Variants in FAM241A observed in about 807,000 individuals in gnomAD.
The protein encoded by FAM241A is uncharacterized protein FAM241A.
FAM241A carries 7 observed loss-of-function variants against 12.2 expected under a neutral mutation model. The ratio of observed to expected loss-of-function variants is 0.58; its 90% confidence interval spans 0.33 to 1.08. The LOEUF (loss-of-function observed/expected upper bound fraction) is 1.08, where lower values mean the gene tolerates loss of function less well. Among genes scored for constraint, FAM241A ranks in the 50% least tolerant of loss-of-function variants. The pLI, the probability that FAM241A is intolerant of heterozygous loss-of-function variation, is 0.04. For missense variants in FAM241A, 161 were observed against 169.7 expected, an observed-to-expected ratio of 0.95 and a Z score of 0.29; for synonymous variants, 74 against 68.2, an observed-to-expected ratio of 1.08 and a Z score of -0.42.
chr4:112,191,271 C>T lies in FAM241A; in HGVS notation c.*4333C>T, dbSNP rs1211642955. On this transcript the variant is annotated 3_prime_UTR_variant, in exon 2 of 2. Transcript: ENST00000309733. ...ATAATCTTTCTACTTCTATTCATTCCTAGCATCACTGAGTCCATTCTGCCA... is the reference window on the plus strand; with the variant it reads ...ATAATCTTTCTACTTCTATTCATTCTTAGCATCACTGAGTCCATTCTGCCA... 3 of 152,138 alleles carry T rather than the reference C, an allele frequency of 2.0e-5. No individual in the cohort carries two copies. Among genetic ancestry groups the T allele is most frequent in the African/African-American group, 4.8e-5 (2 of 41,426 alleles). The allele number at this position is 152,138 out of a possible 1,614,324, so 9.4% of individuals were successfully genotyped here.
chr4:112,148,113 C>G (rs1169808569), intron 1 of FAM241A, among the ~76,000 whole-genome samples: 1 of 152,112 alleles, frequency 6.6e-6, no homozygotes, highest in Non-Finnish European at 1.5e-5. Context: ...AAGTCCCTTT[C>G]TATTTCTATT....
rs199693485 is a variant in FAM241A at position 112,145,701 on chromosome 4, C to G, written c.121C>G (p.Arg41Gly). The G allele has an allele frequency of 6.4e-4, 757 of 1,183,052 alleles. 5 individuals are homozygous for G. In the African/African-American group the frequency reaches 0.011, roughly 18 times the overall value. The allele number at this position is 1,183,052 out of a possible 1,614,324, so 73.3% of individuals were successfully genotyped here. A position where few individuals can be genotyped will look rare whatever the true frequency, so the allele number is the denominator to read the frequency against. ...TGWDPGASPR[R>G]RGQRPKESEQ... is the part of the protein sequence containing the mutation. ...GTGGGATCCCGGGGCGAGCCCGCGGCGGCGCGGACAGCGGCCGAAGGAGAG... is the reference window on the plus strand; with the variant it reads ...GTGGGATCCCGGGGCGAGCCCGCGGGGGCGCGGACAGCGGCCGAAGGAGAG... The change falls in exon 1 of 2, where the codon CGG becomes GGG. Residue 41 changes from arginine (R) to glycine (G), a missense_variant. Arg to Gly is a moderately radical substitution (Grantham distance 125). Transcript: ENST00000309733.
chr4:112,164,765 C>G (rs372331741), intron 1 of FAM241A, among the ~76,000 whole-genome samples: 7 of 152,104 alleles, frequency 4.6e-5, no homozygotes, highest in African/African-American at 1.7e-4. Context: ...GGAAAAATGT[C>G]TAATAATTCA....
chr4:112,192,895 A>G lies in FAM241A; in HGVS notation c.*5957A>G, dbSNP rs1162449219. On this transcript the variant is annotated 3_prime_UTR_variant, in exon 2 of 2. Coordinates refer to ENST00000309733, the MANE Select transcript of FAM241A (RefSeq NM_152400.3). ...GATGGCTGGGTCAAATGGTATTTCTAGTTCTAGATTCCTGAGGAATCGCCA... is the reference window on the plus strand; with the variant it reads ...GATGGCTGGGTCAAATGGTATTTCTGGTTCTAGATTCCTGAGGAATCGCCA... 2.3e-4 allele frequency: 35 copies of G among 151,482 alleles called. No individual in the cohort carries two copies. In the East Asian group the frequency reaches 6.4e-3, roughly 28 times the overall value. The allele number at this position is 151,482 out of a possible 1,614,324, so 9.4% of individuals were successfully genotyped here. A position where few individuals can be genotyped will look rare whatever the true frequency, so the allele number is the denominator to read the frequency against.
At chr4:112,165,294 C>G (rs1425593939) in intron 1 of FAM241A, among the ~76,000 whole-genome samples, 1 of 152,166 alleles carries the variant, frequency 6.6e-6, no homozygotes, top group African/African-American at 2.4e-5. Flanking sequence ...AAGCCTCATA[C>G]TGTTGGTGGG....
chr4:112,151,978 T>C (rs1723253388), intron 1 of FAM241A, among the ~76,000 whole-genome samples: 1 of 152,222 alleles, frequency 6.6e-6, no homozygotes, highest in African/African-American at 2.4e-5. Flanking sequence ...TAGTTTATAC[T>C]CACTTCCTTT....
At chr4:112,161,354 A>C (rs1182321928) in intron 1 of FAM241A, among the ~76,000 whole-genome samples, 1 of 152,204 alleles carries the variant, frequency 6.6e-6, no homozygotes, top group Admixed American at 6.5e-5. Flanking sequence ...AACCTTCAAA[A>C]AATCAATGAA....
chr4:112,176,042 G>T (rs1333984246), intron 1 of FAM241A, among the ~76,000 whole-genome samples: 2 of 152,272 alleles, frequency 1.3e-5, no homozygotes, highest in African/African-American at 2.4e-5. Context: ...CTCAGCAAAA[G>T]CCTATTTATA....
intron 1 of FAM241A, among the ~76,000 whole-genome samples, chr4:112,167,113 CAAAA>C (rs1216781434): frequency 1.2e-5 from 1 of 86,204 alleles, no homozygotes; most frequent in East Asian, 3.3e-4. Context: ...GACTCCGTCT[CAAAA>C]AAAAAAAAAA....
Position 112,186,742 on chromosome 4 carries a change from A to G in FAM241A, c.203A>G (p.Tyr68Cys). 7 of 1,613,750 alleles carry G rather than the reference A, an allele frequency of 4.3e-6. No individual in the cohort carries two copies. Among genetic ancestry groups the G allele is most frequent in the Non-Finnish European group, 5.1e-6 (6 of 1,179,904 alleles). Residue 68 changes from tyrosine to cysteine, a missense_variant, in exon 2 of 2, where the codon TAC becomes TGC. Tyr to Cys is a radical substitution (Grantham distance 194). Coordinates refer to ENST00000309733, the MANE Select transcript of FAM241A (RefSeq NM_152400.3). The part of the protein sequence containing the change: ...NHTGEPVGDD[Y>C]KKMGTLFGEL... Reference sequence around the variant, plus strand: ...ACTGGTGAGCCGGTTGGAGATGACTACAAGAAAATGGGAACACTTTTTGGT... The same window carrying G: ...ACTGGTGAGCCGGTTGGAGATGACTGCAAGAAAATGGGAACACTTTTTGGT...
intron 1 of FAM241A, among the ~76,000 whole-genome samples, chr4:112,156,202 G>T (rs1158356122): frequency 1.3e-5 from 2 of 152,124 alleles, no homozygotes; most frequent in African/African-American, 4.8e-5. Context: ...TGACAGTCAC[G>T]ATCACTGCAG....
At chr4:112,164,929 G>A (rs1005311600) in intron 1 of FAM241A, among the ~76,000 whole-genome samples, 3 of 152,076 alleles carry the variant, frequency 2.0e-5, no homozygotes, top group Non-Finnish European at 2.9e-5. Flanking sequence ...TGGGCAATAC[G>A]GTGAAACCCC....
chr4:112,154,717 C>T (rs1452182674), intron 1 of FAM241A, among the ~76,000 whole-genome samples: 2 of 152,068 alleles, frequency 1.3e-5, no homozygotes, highest in Admixed American at 6.5e-5. Flanking sequence ...GTAGAAATGT[C>T]TTAACCTGCA....
chr4:112,181,344 A>C (rs1329698698), intron 1 of FAM241A, among the ~76,000 whole-genome samples: 1 of 152,122 alleles, frequency 6.6e-6, no homozygotes, highest in Non-Finnish European at 1.5e-5. Context: ...AAAAGGAGCA[A>C]AGTAGAAAAT....
intron 1 of FAM241A, among the ~76,000 whole-genome samples, chr4:112,160,658 C>T (rs1324717894): frequency 6.6e-6 from 1 of 152,160 alleles, no homozygotes; most frequent in Non-Finnish European, 1.5e-5. Flanking sequence ...TCAAGTTATA[C>T]TACAGAGCTT....
chr4:112,192,967 T>C lies in FAM241A; in HGVS notation c.*6029T>C, dbSNP rs1407889020. 6.7e-6 allele frequency: 1 copy of C among 148,622 alleles called. No individual in the cohort carries two copies. Among genetic ancestry groups the C allele is most frequent in the Non-Finnish European group, 1.5e-5 (1 of 66,484 alleles). The allele number at this position is 148,622 out of a possible 1,614,324, so 9.2% of individuals were successfully genotyped here. The stretch of plus-strand genomic sequence containing the variant: ...AACTAGTTTACAGTCCCACCAACAG[T>C]GTAAAAGTGTTCCTATTTCTCCACA... On this transcript the variant is annotated 3_prime_UTR_variant, in exon 2 of 2. Coordinates refer to ENST00000309733, the MANE Select transcript of FAM241A (RefSeq NM_152400.3).
At chr4:112,156,202 G>A (rs1158356122) in intron 1 of FAM241A, among the ~76,000 whole-genome samples, 5 of 152,242 alleles carry the variant, frequency 3.3e-5, no homozygotes, top group East Asian at 1.9e-4. Context: ...TGACAGTCAC[G>A]ATCACTGCAG....
intron 1 of FAM241A, among the ~76,000 whole-genome samples, chr4:112,151,939 T>G (rs1723252693): frequency 6.6e-6 from 1 of 152,208 alleles, no homozygotes; most frequent in South Asian, 2.1e-4. Flanking sequence ...TCTGCCCTAC[T>G]TTAGATGGTG....
chr4:112,175,685 T>C (rs1723806100), intron 1 of FAM241A, among the ~76,000 whole-genome samples: 1 of 151,860 alleles, frequency 6.6e-6, no homozygotes, highest in African/African-American at 2.4e-5. Flanking sequence ...GGAGAATCGC[T>C]TGAACCCGGG....
Sources: allele counts gnomAD v4.1 joint callset (sites outside exome capture counted in the v4.1 genomes callset), GRCh38; gene constraint gnomAD v4.1.1; transcripts MANE v1.5; gene names NCBI Gene and HGNC (gene_info 2026-07-23, HGNC 2026-07-21).